TEX15: variants seen among roughly 807,000 people sequenced by gnomAD.
TEX15 encodes testis-expressed protein 15.
In TEX15, 171 loss-of-function variants were observed where a neutral mutation model predicts 237.3. The ratio of observed to expected loss-of-function variants is 0.72; its 90% CI spans 0.64 to 0.82. The LOEUF is 0.82. Ranked by LOEUF, TEX15 falls within the 40% of genes least tolerant of loss-of-function variation. The pLI is 0.00. For missense variants in TEX15, 3,750 were observed against 3,646.5 expected (o/e 1.03, Z -0.73); for synonymous variants, 1,338 against 1,269.8 (o/e 1.05, Z -1.14).
At chr8:30,858,877 G>A (rs2128770318) in intron 6 of TEX15, 47 bp from the exon 7 acceptor site, 1 of 1,343,594 alleles carries the variant, frequency 7.4e-7, no homozygotes, top group East Asian at 2.7e-5. Flanking sequence ...GGCAATCAGA[G>A]TTGAATAAGC....
rs1807521505 is a variant in TEX15 at position 30,843,831 on chromosome 8, C to T, written c.6336G>A (p.Glu2112=). Residue 2112 remains glutamate, a synonymous_variant, in exon 8 of 11, where the codon GAG becomes GAA. Coordinates refer to ENST00000643185, the MANE Select transcript of TEX15 (RefSeq NM_001350162.2). ...LLWYDETLYA[E]LLGKPRGFQQ... ...GAAATCCACGTGGTTTTCCAAGAAG[C>T]TCAGCATACAGTGTTTCATCATACC... 14 of 1,612,594 alleles carry T rather than the reference C, an allele frequency of 8.7e-6. No homozygotes were observed. Among genetic ancestry groups the T allele is most frequent in the Non-Finnish European group, 1.0e-5 (12 of 1,179,336 alleles).
chr8:30,882,272 T>C (rs1808544864), intron 3 of TEX15, among the ~76,000 whole-genome samples: 1 of 152,022 alleles, frequency 6.6e-6, no homozygotes, highest in Non-Finnish European at 1.5e-5. Context: ...AGAGAACATA[T>C]TCTGTATGAT....
Position 30,855,292 on chromosome 8 carries a change from TG to T in TEX15, c.850+3375del, listed in dbSNP as rs1387804570. On this transcript the variant is annotated intron_variant, in intron 7 of 10. Transcript: ENST00000643185. ...AAAATCAATTATATTTCTATACATTTGGAATGAACAATACACTAATAAAATA... is the reference window on the plus strand; with the variant it reads ...AAAATCAATTATATTTCTATACATTTGAATGAACAATACACTAATAAAATA... Among the ~76,000 whole-genome samples, 4 of 152,152 alleles carry T rather than the reference TG, an allele frequency of 2.6e-5. No homozygotes were observed. The East Asian group carries it at 7.7e-4, about 29-fold the overall frequency.
chr8:30,909,136 AACTAG>A (rs1218981464), intron 1 of TEX15, among the ~76,000 whole-genome samples: 35 of 152,146 alleles, frequency 2.3e-4, no homozygotes, highest in African/African-American at 7.0e-4. Flanking sequence ...TATCAGGACA[AACTAG>A]ATACTCAAAT....
At position 30,846,490 on chromosome 8, in the gene TEX15, C is replaced by G; in HGVS notation, c.3677G>C (p.Arg1226Thr). The G allele has an allele frequency of 1.2e-6, 2 of 1,613,488 alleles. No individual in the cohort carries two copies. The highest frequency in any genetic ancestry group is 8.5e-7 in the Non-Finnish European group (1 of 1,179,746). The change falls in exon 8 of 11, where the codon AGG becomes ACG. Residue 1226 changes from arginine (R) to threonine (T), a missense_variant. Arg to Thr is a moderately conservative substitution (Grantham distance 71). Transcript: ENST00000643185. ...YPCEDKVDNI[R>T]QESGPVSNSE... Reference sequence around the variant, plus strand: ...GTTACTCACTGGCCCTGATTCTTGCCTTATATTATCAACTTTATCTTCACA... The same window carrying G: ...GTTACTCACTGGCCCTGATTCTTGCGTTATATTATCAACTTTATCTTCACA...
rs552985414 is a variant in TEX15 at position 30,847,399 on chromosome 8, T to G, written c.2768A>C (p.Asn923Thr). Residue 923 changes from asparagine to threonine, a missense_variant, in exon 8 of 11, where the codon AAC becomes ACC. Asn to Thr is a moderately conservative substitution (Grantham distance 65). Transcript: ENST00000643185. ...TGCATTATCTTCTCTGCAAATCAAG[T>G]TAAATTTAGTAGAAAATTCTTCAGA... The part of the protein sequence containing the change: ...LSSEEFSTKF[N>T]LICREDNAVS... 5.0e-6 allele frequency: 8 copies of G among 1,612,792 alleles called. No individual in the cohort carries two copies. In the East Asian group the frequency reaches 8.9e-5, roughly 18 times the overall value.
chr8:30,886,905 T>G, intron 3 of TEX15: 1 of 280,356 alleles, frequency 3.6e-6, no homozygotes, highest in Non-Finnish European at 6.6e-6. Flanking sequence ...CCTAGTTGGT[T>G]GGTCTTCTCT....
Position 30,873,502 on chromosome 8 carries a change from A to C in TEX15, c.302+1435T>G, listed in dbSNP as rs375858787. ...TCATGAAACACAGGATCTGTGCCCT[A>C]AGGTACAGATTATCACCAATTTCCC... On this transcript the variant is annotated intron_variant, in intron 4 of 10. Transcript: ENST00000643185. Among the ~76,000 whole-genome samples, 14 of 152,276 alleles carry C rather than the reference A, an allele frequency of 9.2e-5. No individual in the cohort carries two copies. In the East Asian group the frequency reaches 1.7e-3, roughly 19 times the overall value.
In TEX15 at chr8:30,845,960, T is replaced by C. The variant is rs1386575569; in HGVS notation, c.4207A>G (p.Lys1403Glu). The C allele has an allele frequency of 3.1e-6, 5 of 1,612,910 alleles. No individual in the cohort carries two copies. The African/African-American group carries it at 4.0e-5, about 13-fold the overall frequency. ...GGGCCCTTTCTTTCTTCTCCTACTT[T>C]AGTTATAAGCTGCAAAGATGTGTGA... ...RVHTSLQLIT[K>E]VGEERKGPLP... is the part of the protein sequence containing the mutation. The change falls in exon 8 of 11, where the codon AAA becomes GAA. Residue 1403 changes from lysine (K) to glutamate (E), a missense_variant. By Grantham distance (56) the Lys-to-Glu change is moderately conservative. Transcript: ENST00000643185.
chr8:30,888,281 T>C (rs1157424301), intron 2 of TEX15, among the ~76,000 whole-genome samples: 1 of 152,074 alleles, frequency 6.6e-6, no homozygotes, highest in East Asian at 1.9e-4. Flanking sequence ...GATACTCTCT[T>C]TAAATCAAGA....
At chr8:30,838,448 T>TA (rs1807361240) in intron 9 of TEX15, among the ~76,000 whole-genome samples, 1 of 152,014 alleles carries the variant, frequency 6.6e-6, no homozygotes, top group South Asian at 2.1e-4. Flanking sequence ...AAATAACTGG[T>TA]AAACTACCAG....
intron 2 of TEX15, among the ~76,000 whole-genome samples, chr8:30,893,749 T>C (rs1808840416): frequency 6.6e-6 from 1 of 152,228 alleles, no homozygotes; most frequent in Non-Finnish European, 1.5e-5. Context: ...TTTAGTATCA[T>C]CTTTGTCTCT....
chr8:30,906,904 A>G (rs1400881718), intron 1 of TEX15, among the ~76,000 whole-genome samples: 1 of 152,186 alleles, frequency 6.6e-6, no homozygotes. Flanking sequence ...TGCATTTTCT[A>G]GAGAGAAAAA....
At chr8:30,874,178 A>G (rs774864813) in intron 4 of TEX15, among the ~76,000 whole-genome samples, 2 of 152,308 alleles carry the variant, frequency 1.3e-5, no homozygotes, top group South Asian at 2.1e-4. Flanking sequence ...CAAGTGTGGC[A>G]GCATGTTTGA....
Position 30,847,418 on chromosome 8 carries a change from CTTCAGAACTCAAAAT to C in TEX15, c.2734_2748del (p.Ile912_Glu916del), listed in dbSNP as rs777809199. 74 of 1,611,732 alleles carry C rather than the reference CTTCAGAACTCAAAAT, an allele frequency of 4.6e-5. No homozygotes were observed. The East Asian group carries it at 1.2e-3, about 26-fold the overall frequency. ...ATCAAGTTAAATTTAGTAGAAAATT[CTTCAGAACTCAAAAT>C]TTCTATATTGTGGTAATTTTTGTCC... On this transcript the variant is annotated inframe_deletion, in exon 8 of 11. Coordinates refer to ENST00000643185, the MANE Select transcript of TEX15 (RefSeq NM_001350162.2).
Position 30,844,387 on chromosome 8 carries a change from TC to T in TEX15, c.5779del (p.Glu1927LysfsTer12), listed in dbSNP as rs1407166043. The T allele has an allele frequency of 3.1e-6, 5 of 1,610,112 alleles. No individual in the cohort carries two copies. Among genetic ancestry groups the T allele is most frequent in the Non-Finnish European group, 2.5e-6 (3 of 1,178,502 alleles). On this transcript the variant is annotated frameshift_variant, in exon 8 of 11. Coordinates refer to ENST00000643185, the MANE Select transcript of TEX15 (RefSeq NM_001350162.2). LOFTEE classifies it high-confidence loss of function. ...CTGCGAGTCTTTACTAACTTTAATT[TC>T]CCCCTTCTTCTCTCTTTTGTTAAGC... The part of the protein sequence containing the change: ...NPLNKREKKG[E>X]IKVSKDSQSD...
intron 5 of TEX15, among the ~76,000 whole-genome samples, chr8:30,863,793 G>A (rs1808100931): frequency 6.6e-6 from 1 of 152,080 alleles, no homozygotes; most frequent in African/African-American, 2.4e-5. Context: ...TTGATCCTTG[G>A]CACAGAGACA....
At chr8:30,884,527 A>C (rs1808604406) in intron 3 of TEX15, among the ~76,000 whole-genome samples, 1 of 152,224 alleles carries the variant, frequency 6.6e-6, no homozygotes, top group South Asian at 2.1e-4. Flanking sequence ...ATTTAGGCCT[A>C]TTCAGATCAT....
chr8:30,843,387 A>G lies in TEX15; in HGVS notation c.6780T>C (p.Val2260=). ...NFIKNNEAVR[V]KISLYGLEHI... is the part of the protein sequence containing the mutation. ...GTTCCAGACCATAAAGAGATATTTTAACACGTACTGCCTCGTTGTTCTTAA... is the reference window on the plus strand; with the variant it reads ...GTTCCAGACCATAAAGAGATATTTTGACACGTACTGCCTCGTTGTTCTTAA... Residue 2260 remains valine (V), a synonymous_variant, in exon 8 of 11, where the codon GTT becomes GTC. Coordinates refer to ENST00000643185, the MANE Select transcript of TEX15 (RefSeq NM_001350162.2). 2 of 1,612,950 alleles carry G rather than the reference A, an allele frequency of 1.2e-6. No individual in the cohort carries two copies. Among genetic ancestry groups the G allele is most frequent in the Non-Finnish European group, 1.7e-6 (2 of 1,179,682 alleles).
Sources: gnomAD v4.1 joint callset for allele counts (sites outside exome capture counted in the v4.1 genomes callset) on GRCh38, gnomAD v4.1.1 for gene constraint, MANE v1.5 for transcripts, NCBI Gene and HGNC (gene_info 2026-07-23, HGNC 2026-07-21) for gene names.